The following DNM3 variants were observed in gnomAD, a reference collection of about 807,000 sequenced individuals.
DNM3 encodes dynamin-3.
A neutral mutation model predicts 101.6 loss-of-function variants in DNM3; 47 were observed. That is an observed-to-expected ratio of 0.46 (90% CI 0.37 to 0.59). The LOEUF is 0.59. Among genes scored for constraint, DNM3 ranks in the 20% least tolerant of loss-of-function variants. The pLI is 0.00. For missense variants in DNM3, 849 were observed against 1,085.7 expected, an observed-to-expected ratio of 0.78 and a Z score of 3.06; for synonymous variants, 385 against 387.9, an observed-to-expected ratio of 0.99 and a Z score of 0.09.
chr1:172,144,187 T>TAAAA (rs34952786), intron 14 of DNM3, among the ~76,000 whole-genome samples: 1 of 141,908 alleles, frequency 7.0e-6, no homozygotes, highest in Non-Finnish European at 1.5e-5. Context: ...TCTTCAGAAA[T>TAAAA]AAAAAAAAAA....
intron 11 of DNM3, among the ~76,000 whole-genome samples, chr1:172,077,132 G>T (rs1033081660): frequency 6.6e-6 from 1 of 152,070 alleles, no homozygotes; most frequent in African/African-American, 2.4e-5. Flanking sequence ...TCTGATGGCA[G>T]TTTGTATTTC....
chr1:172,322,331 A>G (rs1424583235), intron 16 of DNM3, among the ~76,000 whole-genome samples: 2 of 152,136 alleles, frequency 1.3e-5, no homozygotes, highest in African/African-American at 4.8e-5. Flanking sequence ...TCTCAGCGAG[A>G]AATTCCTTCT....
chr1:172,192,526 C>CT (rs1339709361), intron 14 of DNM3, among the ~76,000 whole-genome samples: 4 of 109,706 alleles, frequency 3.6e-5, no homozygotes, highest in African/African-American at 1.4e-4. Context: ...TCCCTCCCCC[C>CT]TCCCCCCACC....
At chr1:172,001,688 ACCTCTGGCTGGGAAAGAGGGCAC>A in intron 4 of DNM3, among the ~76,000 whole-genome samples, 1 of 152,126 alleles carries the variant, frequency 6.6e-6, no homozygotes, top group East Asian at 1.9e-4. Context: ...GGAATGTGAG[ACCTCTGGCTGGGAAAGAGGGCAC>A]CATCTTCTCT....
chr1:171,893,912 TTA>T (rs1012136425), intron 1 of DNM3, among the ~76,000 whole-genome samples: 1 of 151,962 alleles, frequency 6.6e-6, no homozygotes, highest in South Asian at 2.1e-4. Context: ...AACTACATAG[TTA>T]TATATATATA....
chr1:171,872,392 G>C (rs983782762), intron 1 of DNM3, among the ~76,000 whole-genome samples: 1 of 151,552 alleles, frequency 6.6e-6, no homozygotes, highest in African/African-American at 2.4e-5. Context: ...TTTAGATCTG[G>C]TCTTCCTAAA....
chr1:172,184,264 AACT>A, intron 14 of DNM3, among the ~76,000 whole-genome samples: 1 of 152,240 alleles, frequency 6.6e-6, no homozygotes, highest in South Asian at 2.1e-4. Flanking sequence ...AGACAACCTG[AACT>A]GTTAAACAAG....
intron 2 of DNM3, among the ~76,000 whole-genome samples, chr1:171,971,953 T>C (rs560600833): frequency 6.6e-6 from 1 of 152,318 alleles, no homozygotes; most frequent in South Asian, 2.1e-4. Flanking sequence ...GATTTTGCTC[T>C]AGAGTGTTGG....
At position 171,889,048 on chromosome 1, in the gene DNM3, C is replaced by T. The variant is rs529161190; in HGVS notation, c.162-32700C>T. Among the ~76,000 whole-genome samples, 8 of 152,272 alleles carry T rather than the reference C, an allele frequency of 5.3e-5. No individual in the cohort carries two copies. In the South Asian group the frequency reaches 8.3e-4, roughly 16 times the overall value. ...AGGCTGGATTGCAGTGGTGCAATCACGGCACACTGTAGCCTCAACCTGCCT... is the reference window on the plus strand; with the variant it reads ...AGGCTGGATTGCAGTGGTGCAATCATGGCACACTGTAGCCTCAACCTGCCT... On this transcript the variant is annotated intron_variant, in intron 1 of 20. Coordinates refer to ENST00000627582, the MANE Select transcript of DNM3 (RefSeq NM_015569.5).
intron 17 of DNM3, among the ~76,000 whole-genome samples, chr1:172,338,180 G>T (rs905667363): frequency 6.6e-6 from 1 of 152,086 alleles, no homozygotes; most frequent in Non-Finnish European, 1.5e-5. Flanking sequence ...CTCCCAAAGT[G>T]CTGGGATTAC....
At chr1:171,964,920 C>G (rs2043465866) in intron 2 of DNM3, among the ~76,000 whole-genome samples, 1 of 151,584 alleles carries the variant, frequency 6.6e-6, no homozygotes, top group Non-Finnish European at 1.5e-5. Context: ...TATGACACTT[C>G]TAACACTGAA....
At chr1:172,341,511 C>T (rs562596014) in intron 17 of DNM3, among the ~76,000 whole-genome samples, 5 of 152,258 alleles carry the variant, frequency 3.3e-5, no homozygotes, top group East Asian at 1.9e-4. Flanking sequence ...GTCATCAAAA[C>T]GGCATTGTAC....
chr1:172,094,133 T>C (rs2147831096), intron 13 of DNM3, among the ~76,000 whole-genome samples: 1 of 152,286 alleles, frequency 6.6e-6, no homozygotes, highest in East Asian at 1.9e-4. Flanking sequence ...TAAATGTAGA[T>C]GATGCTTCTA....
Position 172,388,786 on chromosome 1 carries a change from G to A in DNM3, c.2499G>A (p.Thr833=), listed in dbSNP as rs2301454. 3,355 of 1,592,604 alleles carry A rather than the reference G, an allele frequency of 2.1e-3. 90 individuals are homozygous for A. In the East Asian group the frequency reaches 0.058, roughly 27 times the overall value. The change falls in exon 20 of 21, where the codon ACG becomes ACA. Residue 833 remains threonine, a synonymous_variant. Coordinates refer to ENST00000627582, the MANE Select transcript of DNM3 (RefSeq NM_015569.5). ...CTCCACAAGTTCCATCTAGGCCTAC[G>A]AGGGCCCCGCCCAGTGTCCCAAGGT... ...GAPPQVPSRP[T]RAPPSVPSRR... is the part of the protein sequence containing the mutation.
intron 4 of DNM3, among the ~76,000 whole-genome samples, chr1:172,022,245 A>G (rs55736441): frequency 0.17 from 26,055 of 152,060 alleles, 2,459 homozygotes; most frequent in East Asian, 0.29. Context: ...TTTGAATCCT[A>G]TATGAGCCTG....
intron 7 of DNM3, among the ~76,000 whole-genome samples, chr1:172,040,294 G>A (rs2049279865): frequency 6.6e-6 from 1 of 152,080 alleles, no homozygotes; most frequent in Admixed American, 6.6e-5. Flanking sequence ...TTACAGTCTA[G>A]CTTCTTTGGC....
intron 1 of DNM3, among the ~76,000 whole-genome samples, chr1:171,888,814 T>C (rs1397109955): frequency 6.6e-6 from 1 of 152,206 alleles, no homozygotes; most frequent in Non-Finnish European, 1.5e-5. Context: ...AAGGTGACCA[T>C]ATAAGAGTTT....
In DNM3 at chr1:172,251,748, C is replaced by T. The variant is rs576059730; in HGVS notation, c.1660-1825C>T. Among the ~76,000 whole-genome samples, 225 of 152,142 alleles carry T rather than the reference C, an allele frequency of 1.5e-3. 3 individuals carry two copies. Among genetic ancestry groups the T allele is most frequent in the Non-Finnish European group, 1.3e-3 (90 of 67,998 alleles). On this transcript the variant is annotated intron_variant, in intron 14 of 20. Coordinates refer to ENST00000627582, the MANE Select transcript of DNM3 (RefSeq NM_015569.5). ...GAAATTCAGATTTCCCATTAAAAGG[C>T]AAATCTATCATTTCAAAAGGTTGAA...
rs973734722 is a variant in DNM3 at position 172,291,967 on chromosome 1, G to A, written c.1770-16761G>A. 3.3e-5 allele frequency among the ~76,000 whole-genome samples: 5 copies of A among 152,216 alleles called. No homozygotes were observed. In the South Asian group the frequency reaches 1.0e-3, roughly 32 times the overall value. On this transcript the variant is annotated intron_variant, in intron 15 of 20. Transcript: ENST00000627582. ...AGACATCTGAGCAAACTAGAAGGAT[G>A]GGCCCAGACTAACACAATGAAATAT...
Sources: allele counts gnomAD v4.1 joint callset (sites outside exome capture counted in the v4.1 genomes callset), GRCh38; gene constraint gnomAD v4.1.1; transcripts MANE v1.5; gene names NCBI Gene and HGNC (gene_info 2026-07-23, HGNC 2026-07-21).